The following B3GALT1 variants were observed in gnomAD, a reference collection of about 807,000 sequenced individuals.
B3GALT1 encodes the protein UDP-Gal:betaGlcNAc beta 1,3-galactosyltransferase, polypeptide 1.
In B3GALT1, 10 loss-of-function variants were observed where a neutral mutation model predicts 23.2. The ratio of observed to expected loss-of-function variants is 0.43; its 90% CI spans 0.27 to 0.73. B3GALT1 has a LOEUF of 0.73. Ranked by LOEUF, B3GALT1 falls within the 30% of genes least tolerant of loss-of-function variation. The pLI is 0.21. For synonymous variants in B3GALT1, 156 were observed against 141.5 expected, an observed-to-expected ratio of 1.10 and a Z score of -0.73; for missense variants, 299 against 405.4, an observed-to-expected ratio of 0.74 and a Z score of 2.25.
chr2:167,562,532 T>C (rs1247564388), intron 2 of B3GALT1, among the ~76,000 whole-genome samples: 2 of 152,096 alleles, frequency 1.3e-5, no homozygotes, highest in Non-Finnish European at 2.9e-5. Context: ...TGTTTGCAGA[T>C]GACATGATTG....
chr2:167,611,777 A>G (rs1483884467), intron 2 of B3GALT1, among the ~76,000 whole-genome samples: 3 of 151,950 alleles, frequency 2.0e-5, no homozygotes, highest in African/African-American at 7.2e-5. Flanking sequence ...CGATGGTAAA[A>G]TACGATGCAC....
intron 3 of B3GALT1, among the ~76,000 whole-genome samples, chr2:167,690,000 A>C (rs1192447825): frequency 6.6e-6 from 1 of 152,166 alleles, no homozygotes; most frequent in Non-Finnish European, 1.5e-5. Flanking sequence ...GTAAATTTTG[A>C]TAAAATTTAA....
At chr2:167,755,850 T>C (rs1177480652) in intron 3 of B3GALT1, among the ~76,000 whole-genome samples, 4 of 151,736 alleles carry the variant, frequency 2.6e-5, no homozygotes, top group African/African-American at 4.8e-5. Flanking sequence ...TGGCACAATT[T>C]TGTGGTCCCA....
intron 3 of B3GALT1, among the ~76,000 whole-genome samples, chr2:167,800,244 A>C (rs140394695): frequency 2.3e-4 from 35 of 152,348 alleles, no homozygotes; most frequent in Non-Finnish European, 4.6e-4. Context: ...CCAGAGGAGA[A>C]ACATGGAACA....
At chr2:167,344,963 C>T (rs1697206817) in intron 1 of B3GALT1, among the ~76,000 whole-genome samples, 1 of 152,100 alleles carries the variant, frequency 6.6e-6, no homozygotes, top group African/African-American at 2.4e-5. Flanking sequence ...AAGTAGTTCT[C>T]ATTTGGAGCT....
At chr2:167,386,811 T>A (rs953451203) in intron 1 of B3GALT1, among the ~76,000 whole-genome samples, 5 of 152,366 alleles carry the variant, frequency 3.3e-5, no homozygotes, top group African/African-American at 2.4e-5. Flanking sequence ...ATCTTTCTTC[T>A]AATGGTGTTT....
chr2:167,423,825 A>C (rs1321565819), intron 1 of B3GALT1, among the ~76,000 whole-genome samples: 1 of 152,058 alleles, frequency 6.6e-6, no homozygotes, highest in East Asian at 1.9e-4. Context: ...AATTCCCCCC[A>C]CTTCCCCACA....
chr2:167,573,243 A>T (rs982471713), intron 2 of B3GALT1, among the ~76,000 whole-genome samples: 2 of 151,862 alleles, frequency 1.3e-5, no homozygotes, highest in African/African-American at 4.8e-5. Flanking sequence ...TTTATATTTT[A>T]CAGAAATAGT....
intron 3 of B3GALT1, among the ~76,000 whole-genome samples, chr2:167,677,589 A>G (rs560489189): frequency 7.9e-5 from 12 of 152,280 alleles, no homozygotes; most frequent in African/African-American, 2.9e-4. Flanking sequence ...CTCAATCACT[A>G]TAGACACCCT....
At chr2:167,539,515 C>T (rs915482174) in intron 2 of B3GALT1, among the ~76,000 whole-genome samples, 1 of 152,110 alleles carries the variant, frequency 6.6e-6, no homozygotes, top group Admixed American at 6.5e-5. Context: ...CTATTTTGAA[C>T]CTCAAATTGA....
At chr2:167,325,732 T>C (rs1696882432) in intron 1 of B3GALT1, among the ~76,000 whole-genome samples, 1 of 130,340 alleles carries the variant, frequency 7.7e-6, no homozygotes, top group African/African-American at 2.8e-5. Context: ...TTTTTTCTTT[T>C]TTCGAGATAG....
chr2:167,775,610 G>C (rs1213420570), intron 3 of B3GALT1, among the ~76,000 whole-genome samples: 1 of 149,538 alleles, frequency 6.7e-6, no homozygotes, highest in Non-Finnish European at 1.5e-5. Flanking sequence ...TAATGAAATG[G>C]TTATGATGAT....
chr2:167,548,859 CT>C (rs946917521), intron 2 of B3GALT1, among the ~76,000 whole-genome samples: 1 of 152,036 alleles, frequency 6.6e-6, no homozygotes, highest in South Asian at 2.1e-4. Context: ...CTTGAGTTGT[CT>C]TTTTTTATTA....
chr2:167,688,718 G>A (rs1468779189), intron 3 of B3GALT1, among the ~76,000 whole-genome samples: 1 of 151,864 alleles, frequency 6.6e-6, no homozygotes, highest in Non-Finnish European at 1.5e-5. Flanking sequence ...AGAAAAAAGG[G>A]GCCCAAACTG....
intron 1 of B3GALT1, among the ~76,000 whole-genome samples, chr2:167,372,699 C>A (rs1001061584): frequency 1.3e-5 from 2 of 151,538 alleles, no homozygotes; most frequent in African/African-American, 4.8e-5. Flanking sequence ...AGCAAAGTTA[C>A]AAAATGAAAT....
chr2:167,703,164 C>T (rs1222107353), intron 3 of B3GALT1, among the ~76,000 whole-genome samples: 2 of 152,156 alleles, frequency 1.3e-5, no homozygotes, highest in Non-Finnish European at 2.9e-5. Flanking sequence ...TCTCACAGGA[C>T]CTGAAGAAGT....
At chr2:167,591,425 G>A (rs1684676901) in intron 2 of B3GALT1, among the ~76,000 whole-genome samples, 1 of 152,084 alleles carries the variant, frequency 6.6e-6, no homozygotes, top group South Asian at 2.1e-4. Flanking sequence ...ATGTAGGACA[G>A]AGGAGAGATT....
intron 4 of B3GALT1, among the ~76,000 whole-genome samples, chr2:167,831,056 T>C (rs1389193766): frequency 6.6e-6 from 1 of 152,228 alleles, no homozygotes; most frequent in South Asian, 2.1e-4. Context: ...ATCTAGTTAT[T>C]ACTATCAATA....
At chr2:167,601,118 G>C (rs1018313782) in intron 2 of B3GALT1, among the ~76,000 whole-genome samples, 2 of 152,172 alleles carry the variant, frequency 1.3e-5, no homozygotes, top group Non-Finnish European at 2.9e-5. Context: ...GGAGTGCAGT[G>C]GTGCAATCTC....
Sources: allele counts gnomAD v4.1 joint callset (sites outside exome capture counted in the v4.1 genomes callset), GRCh38; gene constraint gnomAD v4.1.1; transcripts MANE v1.5; gene names NCBI Gene and HGNC (gene_info 2026-07-23, HGNC 2026-07-21).